Variants in CDK13 observed in about 807,000 individuals in gnomAD.
The protein encoded by CDK13 is cyclin-dependent kinase 13.
A neutral mutation model predicts 137.6 loss-of-function variants in CDK13; 40 were observed. That is an observed-to-expected ratio of 0.29 (90% CI 0.23 to 0.38). CDK13 has a LOEUF of 0.38. Ranked by LOEUF, CDK13 falls within the 10% of genes least tolerant of loss-of-function variation. The pLI, the probability that CDK13 is intolerant of heterozygous loss-of-function variation, is 1.00. For synonymous variants in CDK13, 869 were observed against 760.1 expected (o/e 1.14, Z -2.36); for missense variants, 1,704 against 1,951.8 (o/e 0.87, Z 2.39).
At chr7:40,057,438 A>G (rs1232318386) in intron 7 of CDK13, among the ~76,000 whole-genome samples, 1 of 152,142 alleles carries the variant, frequency 6.6e-6, no homozygotes, top group Non-Finnish European at 1.5e-5. Context: ...AAGAGGAGGG[A>G]GGAGAGTAAT....
At position 39,971,511 on chromosome 7, in the gene CDK13, G is replaced by A. The variant is rs181537983; in HGVS notation, c.1212-16088G>A. On this transcript the variant is annotated intron_variant, in intron 1 of 13. Transcript: ENST00000181839. ...CAGCCTGGGCAACAGAGTAAGACTC[G>A]GTCTCAAAAAAACAAAACAAAAAAC... is the stretch of plus-strand genomic sequence containing the variant. Among the ~76,000 whole-genome samples, 32 of 150,684 alleles carry A rather than the reference G, an allele frequency of 2.1e-4. No homozygotes were observed. The East Asian group carries it at 6.3e-3, about 30-fold the overall frequency.
chr7:39,995,555 G>A (rs768227873), intron 2 of CDK13, among the ~76,000 whole-genome samples: 5 of 152,156 alleles, frequency 3.3e-5, no homozygotes, highest in Non-Finnish European at 5.9e-5. Flanking sequence ...CTGTCTTCCA[G>A]ACTGTAAGCT....
chr7:40,035,292 T>G (rs1785457672), intron 5 of CDK13, among the ~76,000 whole-genome samples: 1 of 152,086 alleles, frequency 6.6e-6, no homozygotes. Flanking sequence ...TGACCCACAG[T>G]TTGAAAAACA....
intron 1 of CDK13, among the ~76,000 whole-genome samples, chr7:39,956,189 G>C (rs1371907218): frequency 3.3e-5 from 5 of 152,058 alleles, no homozygotes; most frequent in African/African-American, 9.7e-5. Context: ...TTCTTAAAAT[G>C]CTTTTAAAAA....
chr7:39,950,801 C>T lies in CDK13; in HGVS notation c.160C>T (p.Pro54Ser). ...LQPQLLQPPP[P>S]PPPLLFLAAP... ...GCCGCAGCTCCTGCAACCGCCGCCGCCCCCGCCGCCTCTGCTCTTCCTGGC... is the reference window on the plus strand; with the variant it reads ...GCCGCAGCTCCTGCAACCGCCGCCGTCCCCGCCGCCTCTGCTCTTCCTGGC... The change falls in exon 1 of 14, where the codon CCC (proline) becomes TCC (serine). Residue 54 changes from proline to serine, a missense_variant. Around this residue, in one of 5 missense-constraint regions of CDK13, gnomAD observed 1,051 missense variants for 931.0 expected, o/e 1.13. Coordinates refer to ENST00000181839, the MANE Select transcript of CDK13 (RefSeq NM_003718.5). 1 of 1,461,308 alleles carries T rather than the reference C, an allele frequency of 6.8e-7. No homozygotes were observed. Among genetic ancestry groups the T allele is most frequent in the Non-Finnish European group, 9.0e-7 (1 of 1,114,090 alleles). 90.5% of individuals were successfully genotyped at this position (1,461,308 alleles called of 1,614,324 possible).
At chr7:40,026,014 C>A (rs925106089) in intron 5 of CDK13, among the ~76,000 whole-genome samples, 1 of 152,184 alleles carries the variant, frequency 6.6e-6, no homozygotes, top group Non-Finnish European at 1.5e-5. Context: ...ATCTGGCTGT[C>A]TTTCCTTGCA....
At chr7:40,090,928 A>G (rs1786907116) in intron 12 of CDK13, among the ~76,000 whole-genome samples, 1 of 149,962 alleles carries the variant, frequency 6.7e-6, no homozygotes, top group South Asian at 2.1e-4. Context: ...TGAGAATTCC[A>G]GGCTGGGCAT....
chr7:40,039,271 T>TAG (rs905005743), intron 5 of CDK13, among the ~76,000 whole-genome samples: 31 of 150,772 alleles, frequency 2.1e-4, no homozygotes, highest in East Asian at 3.9e-4. Flanking sequence ...TATATACAGA[T>TAG]AGAGAGAGAG....
At chr7:40,064,292 A>AG (rs2150527722) in intron 9 of CDK13, among the ~76,000 whole-genome samples, 2 of 151,912 alleles carry the variant, frequency 1.3e-5, no homozygotes, top group Admixed American at 1.3e-4. Flanking sequence ...CTCAAAAAAA[A>AG]AAAAAAAAAA....
In CDK13 at chr7:40,096,675, C is replaced by A. The variant is rs1457974161; in HGVS notation, c.*1695C>A. 6.6e-6 allele frequency: 1 copy of A among 151,966 alleles called. No homozygotes were observed. Among genetic ancestry groups the A allele is most frequent in the Non-Finnish European group, 1.5e-5 (1 of 67,968 alleles). The allele number at this position is 151,966 out of a possible 1,614,324, so 9.4% of individuals were successfully genotyped here. ...AACCCTGTGCCCTCTAACTTATGAA[C>A]CTTCATTTCAAAACAGTATGTGGGA... On this transcript the variant is annotated 3_prime_UTR_variant, in exon 14 of 14. Coordinates refer to ENST00000181839, the MANE Select transcript of CDK13 (RefSeq NM_003718.5).
intron 1 of CDK13, among the ~76,000 whole-genome samples, chr7:39,954,282 G>T (rs1256491428): frequency 6.6e-6 from 1 of 152,160 alleles, no homozygotes. Flanking sequence ...TAAAATAGTT[G>T]ATTGGAAAAA....
chr7:40,004,670 T>TA (rs1183908219), intron 5 of CDK13, among the ~76,000 whole-genome samples: 11 of 152,192 alleles, frequency 7.2e-5, no homozygotes, highest in Non-Finnish European at 1.2e-4. Flanking sequence ...AGTTAGAGCA[T>TA]AAAGACAGTT....
chr7:40,040,004 A>G (rs897884854), intron 5 of CDK13, among the ~76,000 whole-genome samples: 2 of 136,716 alleles, frequency 1.5e-5, no homozygotes, highest in African/African-American at 5.5e-5. Context: ...TAACTGATTC[A>G]TTTGCTTTTT....
chr7:40,052,888 A>G (rs1380470855), intron 7 of CDK13, among the ~76,000 whole-genome samples: 2 of 152,162 alleles, frequency 1.3e-5, no homozygotes, highest in African/African-American at 4.8e-5. Flanking sequence ...AGATGAGTGC[A>G]GGGAGCTTTG....
chr7:39,962,687 T>G (rs571254924), intron 1 of CDK13, among the ~76,000 whole-genome samples: 2 of 152,346 alleles, frequency 1.3e-5, no homozygotes, highest in South Asian at 2.1e-4. Context: ...TTTTGGTGTT[T>G]TAGACATGAA....
intron 1 of CDK13, among the ~76,000 whole-genome samples, chr7:39,953,611 C>T (rs1223846504): frequency 6.6e-6 from 1 of 152,022 alleles, no homozygotes; most frequent in African/African-American, 2.4e-5. Context: ...GTATTGTATG[C>T]CATATACTGT....
chr7:40,043,748 G>A (rs1246251154), intron 5 of CDK13, among the ~76,000 whole-genome samples: 1 of 151,750 alleles, frequency 6.6e-6, no homozygotes, highest in Non-Finnish European at 1.5e-5. Flanking sequence ...AAGATCACTT[G>A]AGCTCAGAGG....
intron 9 of CDK13, among the ~76,000 whole-genome samples, chr7:40,065,720 AT>A (rs749912766): frequency 1.3e-5 from 2 of 152,236 alleles, no homozygotes; most frequent in African/African-American, 4.8e-5. Context: ...TTAATTAAGC[AT>A]TCTACAGACA....
chr7:39,999,258 A>G (rs1784633280), intron 3 of CDK13, 103 bp from the exon 4 acceptor site: 1 of 918,550 alleles, frequency 1.1e-6, no homozygotes, highest in African/African-American at 1.7e-5. Context: ...GGGTAGGGAA[A>G]AATAAAGAAT....
Sources: gnomAD v4.1 joint callset for allele counts (sites outside exome capture counted in the v4.1 genomes callset) on GRCh38, gnomAD v4.1.1 for gene constraint, gnomAD v4.1.1 regional missense constraint, MANE v1.5 for transcripts, NCBI Gene and HGNC (gene_info 2026-07-23, HGNC 2026-07-21) for gene names.